RNF19A: variants seen among roughly 807,000 people sequenced by gnomAD.
The protein encoded by RNF19A is E3 ubiquitin-protein ligase RNF19A.
A neutral mutation model predicts 75.7 loss-of-function variants in RNF19A; 32 were observed. The ratio of observed to expected loss-of-function variants is 0.42; its 90% CI spans 0.32 to 0.57. RNF19A has a LOEUF of 0.57. Among genes scored for constraint, RNF19A ranks in the 20% least tolerant of loss-of-function variants. RNF19A has a pLI of 0.10. For missense variants in RNF19A, 782 were observed against 1,036.3 expected, an observed-to-expected ratio of 0.75 and a Z score of 3.37; for synonymous variants, 335 against 345.2, an observed-to-expected ratio of 0.97 and a Z score of 0.33.
At chr8:100,272,398 A>G (rs1820301734) in intron 3 of RNF19A, among the ~76,000 whole-genome samples, 2 of 152,206 alleles carry the variant, frequency 1.3e-5, no homozygotes, top group Non-Finnish European at 2.9e-5. Context: ...ATACCAATTA[A>G]TATTAAAAGT....
At chr8:100,266,817 A>T (rs1820003181) in intron 5 of RNF19A, among the ~76,000 whole-genome samples, 1 of 152,152 alleles carries the variant, frequency 6.6e-6, no homozygotes, top group Non-Finnish European at 1.5e-5. Flanking sequence ...ATGGCCCAAC[A>T]TTTTTTAAAG....
At position 100,258,374 on chromosome 8, in the gene RNF19A, T is replaced by C; in HGVS notation, c.*182A>G. ...ATAATGCACTTTTAAAGCCTTCACT[T>C]CATAGTTTGGTAACTAAGATCCACA... On this transcript the variant is annotated 3_prime_UTR_variant, in exon 10 of 10. Coordinates refer to ENST00000341084, the MANE Select transcript of RNF19A (RefSeq NM_183419.4). The surrounding 1 kb of genome is among the most constrained non-coding windows in gnomAD (Gnocchi z 4.3). The C allele has an allele frequency of 1.8e-6, 1 of 547,286 alleles. No individual in the cohort carries two copies. Among genetic ancestry groups the C allele is most frequent in the Non-Finnish European group, 3.2e-6 (1 of 312,922 alleles). The allele number at this position is 547,286 out of a possible 1,614,324, so 33.9% of individuals were successfully genotyped here. A position where few individuals can be genotyped will look rare whatever the true frequency, so the allele number is the denominator to read the frequency against.
chr8:100,296,434 T>C (rs942901151), intron 1 of RNF19A, among the ~76,000 whole-genome samples: 2 of 152,210 alleles, frequency 1.3e-5, no homozygotes, highest in African/African-American at 2.4e-5. Context: ...GCCCAGGTAA[T>C]AGTATTTATT....
chr8:100,296,780 CA>C (rs1487319910), intron 1 of RNF19A, among the ~76,000 whole-genome samples: 1 of 151,086 alleles, frequency 6.6e-6, no homozygotes, highest in Non-Finnish European at 1.5e-5. Flanking sequence ...ACAGCTGTAC[CA>C]ATTATAACCT....
chr8:100,262,254 C>T (rs1563832230), intron 7 of RNF19A, among the ~76,000 whole-genome samples: 2 of 152,176 alleles, frequency 1.3e-5, no homozygotes, highest in South Asian at 2.1e-4. Flanking sequence ...CCCAATCACA[C>T]GGTGACAAAT....
chr8:100,260,088 T>A lies in RNF19A; in HGVS notation c.1683-91A>T. ...TAAATAATTCAGTTAAGAACCCTAG[T>A]AACCAGAAGCTATTTTAGGAACCAT... On this transcript the variant is annotated intron_variant, in intron 8 of 9. Transcript: ENST00000341084. The surrounding 1 kb of genome is among the most constrained non-coding windows in gnomAD (Gnocchi z 4.1). 1 of 1,124,932 alleles carries A rather than the reference T, an allele frequency of 8.9e-7. No homozygotes were observed. The highest frequency in any genetic ancestry group is 1.3e-6 in the Non-Finnish European group (1 of 766,778). 69.7% of individuals were successfully genotyped at this position (1,124,932 alleles called of 1,614,324 possible).
At chr8:100,266,956 T>C (rs771867488) in intron 5 of RNF19A, among the ~76,000 whole-genome samples, 14 of 152,210 alleles carry the variant, frequency 9.2e-5, no homozygotes, top group Admixed American at 3.9e-4. Context: ...GTATGTTGAA[T>C]ATAAAAAATT....
At chr8:100,297,612 A>T (rs1586667943) in intron 1 of RNF19A, among the ~76,000 whole-genome samples, 1 of 152,182 alleles carries the variant, frequency 6.6e-6, no homozygotes, top group Non-Finnish European at 1.5e-5. Context: ...CTCTTCACAC[A>T]ATGACTGGCT....
Position 100,264,215 on chromosome 8 carries a change from G to A in RNF19A, c.1307-20C>T. ...CGATACCTAAAGAGAAATTAAATCAGTCATTACAAACAACAACAACAAAAT... is the reference window on the plus strand; with the variant it reads ...CGATACCTAAAGAGAAATTAAATCAATCATTACAAACAACAACAACAAAAT... On this transcript the variant is annotated intron_variant, in intron 6 of 9. Transcript: ENST00000341084. The surrounding 1 kb of genome is among the most constrained non-coding windows in gnomAD (Gnocchi z 4.7). The A allele has an allele frequency of 1.3e-6, 2 of 1,583,360 alleles. No individual in the cohort carries two copies. The highest frequency in any genetic ancestry group is 1.7e-6 in the Non-Finnish European group (2 of 1,160,768).
chr8:100,265,771 T>C (rs551463455), intron 5 of RNF19A, among the ~76,000 whole-genome samples: 1 of 152,292 alleles, frequency 6.6e-6, no homozygotes, highest in Admixed American at 6.5e-5. Context: ...AGGTGGGTGA[T>C]GCATGTATGG....
intron 3 of RNF19A, among the ~76,000 whole-genome samples, chr8:100,271,646 T>A (rs908369135): frequency 6.6e-6 from 1 of 152,144 alleles, no homozygotes; most frequent in East Asian, 1.9e-4. Context: ...AAATCACACA[T>A]GAGAATTAAT....
At position 100,322,771 on chromosome 8, in the gene RNF19A, T is replaced by C. The variant is rs574902215; in HGVS notation, c.-242-9399A>G. 6.6e-6 allele frequency among the ~76,000 whole-genome samples: 1 copy of C among 152,246 alleles called. No individual in the cohort carries two copies. The highest frequency in any genetic ancestry group is 2.4e-5 in the African/African-American group (1 of 41,540). ...GTTACTAACTGGCCTAATTTCAAGA[T>C]TGTGTTTCCAAGAATAGGGAGGCCC... On this transcript the variant is annotated intron_variant, in intron 1 of 3. Coordinates refer to the RNF19A transcript ENST00000519527. The surrounding 1 kb of genome is among the most constrained non-coding windows in gnomAD (Gnocchi z 5.1).
chr8:100,294,669 GA>G (rs1821470073), intron 1 of RNF19A, among the ~76,000 whole-genome samples: 1 of 152,052 alleles, frequency 6.6e-6, no homozygotes, highest in Non-Finnish European at 1.5e-5. Context: ...TCTTTAGGGG[GA>G]AAGATGTATA....
At chr8:100,313,755 A>G (rs1298037444), upstream of RNF19A, among the ~76,000 whole-genome samples, 1 of 152,198 alleles carries the variant, frequency 6.6e-6, no homozygotes, top group Non-Finnish European at 1.5e-5. Flanking sequence ...CCAGGAATCC[A>G]ATAAAGATGT....
rs1822498309 is a variant in RNF19A at position 100,324,124 on chromosome 8, C to T, written c.-242-10752G>A. ...TTTGTTCAAAGAAAATTCCCACACA[C>T]TGAAGCTGCTACTATAATTTATTTT... On this transcript the variant is annotated intron_variant, in intron 1 of 3. Transcript: ENST00000519527. The surrounding 1 kb of genome is among the most constrained non-coding windows in gnomAD (Gnocchi z 4.2). Among the ~76,000 whole-genome samples, 1 of 152,202 alleles carries T rather than the reference C, an allele frequency of 6.6e-6. No homozygotes were observed. Among genetic ancestry groups the T allele is most frequent in the Non-Finnish European group, 1.5e-5 (1 of 68,044 alleles).
At chr8:100,319,599 G>T (rs533996413) in intron 1 of RNF19A, among the ~76,000 whole-genome samples, 1 of 145,534 alleles carries the variant, frequency 6.9e-6, no homozygotes, top group Non-Finnish European at 1.5e-5. Context: ...GCACAATCTC[G>T]GCTCATTGCA....
upstream of RNF19A, among the ~76,000 whole-genome samples, chr8:100,311,850 C>G (rs1822303821): frequency 6.6e-6 from 1 of 152,106 alleles, no homozygotes; most frequent in Admixed American, 6.5e-5. Context: ...GTCTTACACT[C>G]TGTACAACGG....
intron 1 of RNF19A, chr8:100,309,617 G>A (rs940290315): frequency 3.4e-5 from 32 of 947,192 alleles, no homozygotes; most frequent in Non-Finnish European, 3.6e-5. Flanking sequence ...CCGCGGCCCG[G>A]GAGACGCCCG....
At position 100,261,752 on chromosome 8, in the gene RNF19A, G is replaced by T; in HGVS notation, c.1472C>A (p.Thr491Lys). 1.2e-6 allele frequency: 2 copies of T among 1,613,854 alleles called. No homozygotes were observed. The highest frequency in any genetic ancestry group is 8.5e-7 in the Non-Finnish European group (1 of 1,179,798). The stretch of plus-strand genomic sequence containing the variant: ...GTGTCTTGCTTCTGCTACTGATGTT[G>T]TGTCTAAATGCAAATATTCCAAAGA... ...NVGGTNTAVD[T>K]TSVAEARHNP... Residue 491 changes from threonine to lysine, a missense_variant, in exon 8 of 10, where the codon ACA becomes AAA. Coordinates refer to ENST00000341084, the MANE Select transcript of RNF19A (RefSeq NM_183419.4). The surrounding 1 kb of genome is among the most constrained non-coding windows in gnomAD (Gnocchi z 4.4).
Sources: gnomAD v4.1 joint callset for allele counts (sites outside exome capture counted in the v4.1 genomes callset) on GRCh38, gnomAD v4.1.1 for gene constraint, Gnocchi (gnomAD v3.1) non-coding constraint, MANE v1.5 for transcripts, NCBI Gene and HGNC (gene_info 2026-07-23, HGNC 2026-07-21) for gene names.